The following PDE3A variants were observed in gnomAD, a reference collection of about 807,000 sequenced individuals.
PDE3A encodes phosphodiesterase 3A.
Under a neutral mutation model 98.3 loss-of-function variants are expected in PDE3A, and 43 were observed. That is an observed-to-expected ratio of 0.44 (90% CI 0.34 to 0.56). PDE3A has a LOEUF of 0.56. PDE3A is among the 20% of genes least tolerant of loss of function. The pLI, the probability that PDE3A is intolerant of heterozygous loss-of-function variation, is 0.01. For missense variants in PDE3A, 1,427 were observed against 1,440.7 expected (o/e 0.99, Z 0.15); for synonymous variants, 663 against 567.9 (o/e 1.17, Z -2.38).
rs1442281982 is a variant in PDE3A at position 20,687,768 on chromosome 12, G to C, written c.*7497G>C. On this transcript the variant is annotated 3_prime_UTR_variant, in exon 16 of 16. Coordinates refer to ENST00000359062, the MANE Select transcript of PDE3A (RefSeq NM_000921.5). ...CTCCCTGGCTTTCTATAATATATTAGGATATGTGACTGAAGGAAATTTAAT... is the reference window on the plus strand; with the variant it reads ...CTCCCTGGCTTTCTATAATATATTACGATATGTGACTGAAGGAAATTTAAT... 6.6e-6 allele frequency among the ~76,000 whole-genome samples: 1 copy of C among 151,768 alleles called. No homozygotes were observed. The highest frequency in any genetic ancestry group is 6.6e-5 in the Admixed American group (1 of 15,204).
In PDE3A at chr12:20,368,602, T is replaced by C. The variant is rs1231073400; in HGVS notation, c.-683T>C. Among the ~76,000 whole-genome samples the C allele has an allele frequency of 6.6e-6, 1 of 150,702 alleles. No individual in the cohort carries two copies. The highest frequency in any genetic ancestry group is 2.4e-5 in the African/African-American group (1 of 41,098). On this transcript the variant is annotated 5_prime_UTR_variant, in exon 1 of 16. Coordinates refer to ENST00000359062, the MANE Select transcript of PDE3A (RefSeq NM_000921.5). Reference sequence around the variant, plus strand: ...CAACTTCTTATTTCTCAGCCCCTTGTCCATTTTTTTTTTTCCATCCTTTGC... The same window carrying C: ...CAACTTCTTATTTCTCAGCCCCTTGCCCATTTTTTTTTTTCCATCCTTTGC...
chr12:20,571,519 C>A (rs1046914087), intron 2 of PDE3A, among the ~76,000 whole-genome samples: 26 of 152,210 alleles, frequency 1.7e-4, no homozygotes, highest in African/African-American at 6.3e-4. Flanking sequence ...ACTTCCAAAG[C>A]CTAAACTTGA....
chr12:20,438,468 T>G (rs913304743), intron 1 of PDE3A, among the ~76,000 whole-genome samples: 1 of 152,186 alleles, frequency 6.6e-6, no homozygotes, highest in Non-Finnish European at 1.5e-5. Context: ...AGTGATTTAG[T>G]AATATGAGAA....
At chr12:20,526,687 TTA>T (rs1376004845) in intron 1 of PDE3A, among the ~76,000 whole-genome samples, 1 of 151,740 alleles carries the variant, frequency 6.6e-6, no homozygotes. Flanking sequence ...GGATGCCAGT[TTA>T]TGTTATTTCC....
At chr12:20,401,665 T>C (rs560273060) in intron 1 of PDE3A, among the ~76,000 whole-genome samples, 21 of 152,318 alleles carry the variant, frequency 1.4e-4, no homozygotes, top group African/African-American at 5.1e-4. Flanking sequence ...TGTTTTCTGA[T>C]CATCCCCGTT....
intron 1 of PDE3A, among the ~76,000 whole-genome samples, chr12:20,545,937 A>C (rs1942044850): frequency 6.6e-6 from 1 of 152,046 alleles, no homozygotes; most frequent in Non-Finnish European, 1.5e-5. Flanking sequence ...TGAAATCAAC[A>C]TCACTTGCTA....
At chr12:20,670,876 C>CA (rs1358689285) in intron 15 of PDE3A, among the ~76,000 whole-genome samples, 8 of 133,554 alleles carry the variant, frequency 6.0e-5, no homozygotes, top group South Asian at 2.5e-4. Context: ...AATAGAGACA[C>CA]AAAAAACCCT....
intron 2 of PDE3A, among the ~76,000 whole-genome samples, chr12:20,573,265 T>C (rs1942845866): frequency 6.6e-6 from 1 of 152,124 alleles, no homozygotes; most frequent in Non-Finnish European, 1.5e-5. Context: ...TATTTTAATC[T>C]ACAAAATAAT....
chr12:20,453,911 T>TA (rs1398746246), intron 1 of PDE3A, among the ~76,000 whole-genome samples: 9 of 152,190 alleles, frequency 5.9e-5, no homozygotes, highest in Non-Finnish European at 1.3e-4. Context: ...CTTGCCTCCT[T>TA]ACAGTTTACT....
chr12:20,453,624 G>A (rs1350961288), intron 1 of PDE3A, among the ~76,000 whole-genome samples: 3 of 152,160 alleles, frequency 2.0e-5, no homozygotes, highest in African/African-American at 2.4e-5. Flanking sequence ...GAGCCAGAGA[G>A]GAAAAGCCTG....
intron 1 of PDE3A, among the ~76,000 whole-genome samples, chr12:20,391,176 G>T (rs1179442844): frequency 6.6e-6 from 1 of 151,664 alleles, no homozygotes; most frequent in African/African-American, 2.4e-5. Context: ...CTAGGCTGTC[G>T]AGAGAAGTTA....
At chr12:20,522,003 C>T (rs950987696) in intron 1 of PDE3A, among the ~76,000 whole-genome samples, 1 of 152,144 alleles carries the variant, frequency 6.6e-6, no homozygotes, top group Non-Finnish European at 1.5e-5. Context: ...AAACTCAGGG[C>T]CTCATTCCTC....
intron 2 of PDE3A, among the ~76,000 whole-genome samples, chr12:20,604,217 G>A (rs536462744): frequency 3.4e-4 from 51 of 150,918 alleles, no homozygotes; most frequent in African/African-American, 1.2e-3. Flanking sequence ...AGAGGGGAGG[G>A]GAGGAGAGGG....
In PDE3A at chr12:20,592,845, C is replaced by T. The variant is rs532100772; in HGVS notation, c.1012-20598C>T. Among the ~76,000 whole-genome samples the T allele has an allele frequency of 4.9e-4, 75 of 152,102 alleles. 1 individual carries two copies. Among genetic ancestry groups the T allele is most frequent in the African/African-American group, 1.7e-3 (72 of 41,478 alleles). On this transcript the variant is annotated intron_variant, in intron 2 of 15. Transcript: ENST00000359062. ...GGTGGGGGAGTCACACTTTTCAGAC[C>T]GATTAGAATAATGAGATTCTCTAAA...
chr12:20,565,380 T>G (rs1051556073), intron 2 of PDE3A, among the ~76,000 whole-genome samples: 1 of 152,080 alleles, frequency 6.6e-6, no homozygotes, highest in Admixed American at 6.6e-5. Flanking sequence ...TCTTGTTTTT[T>G]ATTAATCCTG....
At chr12:20,401,732 C>G (rs1053044604) in intron 1 of PDE3A, among the ~76,000 whole-genome samples, 1 of 152,116 alleles carries the variant, frequency 6.6e-6, no homozygotes, top group East Asian at 1.9e-4. Context: ...TGCTGTCTTA[C>G]GGCACTTACA....
In PDE3A at chr12:20,552,090, CG is replaced by C; in HGVS notation, c.961-4568del. On this transcript the variant is annotated intron_variant, in intron 1 of 15. Coordinates refer to ENST00000359062, the MANE Select transcript of PDE3A (RefSeq NM_000921.5). This position sits in a 1 kb window ranked among gnomAD's most constrained non-coding sequence, Gnocchi z 5.1. The stretch of plus-strand genomic sequence containing the variant: ...CGGGTAGTGGTGGTCGAGAGCTTTC[CG>C]GCAACAAGAGGACCGCGGAACAGTC... The C allele has an allele frequency of 6.2e-7, 1 of 1,612,768 alleles. No individual in the cohort carries two copies. Among genetic ancestry groups the C allele is most frequent in the Non-Finnish European group, 8.5e-7 (1 of 1,179,896 alleles).
chr12:20,415,148 T>C (rs1270316583), intron 1 of PDE3A, among the ~76,000 whole-genome samples: 1 of 151,194 alleles, frequency 6.6e-6, no homozygotes, highest in African/African-American at 2.4e-5. Context: ...TTTTGTATCA[T>C]GCCCATAGCA....
chr12:20,420,310 T>G (rs1944491328), intron 1 of PDE3A, among the ~76,000 whole-genome samples: 1 of 152,064 alleles, frequency 6.6e-6, no homozygotes, highest in Non-Finnish European at 1.5e-5. Flanking sequence ...GTGTGACTCT[T>G]ACCTATAAAT....
Sources: allele counts gnomAD v4.1 joint callset (sites outside exome capture counted in the v4.1 genomes callset), GRCh38; gene constraint gnomAD v4.1.1; non-coding constraint Gnocchi (gnomAD v3.1); transcripts MANE v1.5; gene names NCBI Gene and HGNC (gene_info 2026-07-23, HGNC 2026-07-21).